IQCH: variants seen among roughly 807,000 people sequenced by gnomAD.
IQCH encodes IQ motif containing H, also known as IQ domain-containing protein H.
A neutral mutation model predicts 117.0 loss-of-function variants in IQCH; 98 were observed. That is an observed-to-expected ratio of 0.84 (90% CI 0.71 to 0.99). The LOEUF (loss-of-function observed/expected upper bound fraction) is 0.99, where lower values mean the gene tolerates loss of function less well. Ranked by LOEUF, IQCH falls within the 50% of genes least tolerant of loss-of-function variation. The pLI, the probability that IQCH is intolerant of heterozygous loss-of-function variation, is 0.00. For synonymous variants in IQCH, 412 were observed against 448.2 expected (o/e 0.92, Z 1.02); for missense variants, 1,102 against 1,243.8 (o/e 0.89, Z 1.72).
intron 16 of IQCH, among the ~76,000 whole-genome samples, chr15:67,442,885 A>ATAT (rs1567193409): frequency 6.7e-6 from 1 of 148,496 alleles, no homozygotes; most frequent in African/African-American, 2.5e-5. Flanking sequence ...TATATATATA[A>ATAT]AATACATATA....
At chr15:67,277,496 A>C (rs915560994) in intron 3 of IQCH, among the ~76,000 whole-genome samples, 1 of 148,438 alleles carries the variant, frequency 6.7e-6, no homozygotes, top group African/African-American at 2.5e-5. Flanking sequence ...ACTGTTTGCT[A>C]TTAATGTTGG....
intron 18 of IQCH, among the ~76,000 whole-genome samples, chr15:67,489,138 A>G: frequency 6.7e-6 from 1 of 149,372 alleles, no homozygotes; most frequent in South Asian, 2.1e-4. Context: ...GGTTCACGCC[A>G]TTTTCCTGCC....
At chr15:67,409,911 A>G (rs1046012833) in intron 14 of IQCH, among the ~76,000 whole-genome samples, 1 of 152,246 alleles carries the variant, frequency 6.6e-6, no homozygotes, top group South Asian at 2.1e-4. Flanking sequence ...ACAATTAAAC[A>G]TGGAGTATTA....
intron 10 of IQCH, among the ~76,000 whole-genome samples, chr15:67,382,633 C>A (rs1308411011): frequency 6.6e-6 from 1 of 152,228 alleles, no homozygotes; most frequent in African/African-American, 2.4e-5. Context: ...AAATTTCTCA[C>A]AAGAGCTAAT....
Position 67,498,091 on chromosome 15 carries a change from T to C in IQCH, c.2971-2542T>C, listed in dbSNP as rs1299032712. 2.6e-5 allele frequency among the ~76,000 whole-genome samples: 4 copies of C among 152,140 alleles called. No homozygotes were observed. The East Asian group carries it at 7.7e-4, about 29-fold the overall frequency. The stretch of plus-strand genomic sequence containing the variant: ...AACGAAGTTGGAGAAGTCACACTTC[T>C]CAATTTAAAAACTTACTACAAAGCT... On this transcript the variant is annotated intron_variant, in intron 20 of 20. Coordinates refer to ENST00000335894, the MANE Select transcript of IQCH (RefSeq NM_001031715.3).
intron 1 of IQCH, 161 bp downstream of exon 1, chr15:67,255,108 C>A (rs1232782462): frequency 4.4e-6 from 3 of 679,776 alleles, no homozygotes; most frequent in Non-Finnish European, 5.3e-6. Flanking sequence ...GACCTTCCCC[C>A]ACGGCCCAGC....
chr15:67,323,266 G>A (rs1596180166), intron 4 of IQCH, among the ~76,000 whole-genome samples: 3 of 126,214 alleles, frequency 2.4e-5, no homozygotes, highest in East Asian at 2.4e-4. Flanking sequence ...TTTTTGAGAC[G>A]GAGTCTTGCT....
chr15:67,462,936 C>A (rs1258231446), intron 16 of IQCH, among the ~76,000 whole-genome samples: 1 of 152,166 alleles, frequency 6.6e-6, no homozygotes, highest in Non-Finnish European at 1.5e-5. Context: ...AGATACTTGG[C>A]AGTTAGTTTT....
At chr15:67,317,024 A>G (rs1967880374) in intron 4 of IQCH, among the ~76,000 whole-genome samples, 1 of 152,178 alleles carries the variant, frequency 6.6e-6, no homozygotes, top group Non-Finnish European at 1.5e-5. Context: ...GGACTAGAAC[A>G]AGAAGATGAG....
chr15:67,395,329 T>C lies in IQCH; in HGVS notation c.1671T>C (p.Ser557=), dbSNP rs753071614. The change falls in exon 13 of 21, where the codon AGT becomes AGC. Residue 557 remains serine (S), a synonymous_variant. Transcript: ENST00000335894. This position sits in a 1 kb window ranked among gnomAD's most constrained non-coding sequence, Gnocchi z 4.0. ...GCCTGGCCACTCACCTGATGTACAG[T>C]CCCAAGGCAATCAAAAGAATAAAAA... The part of the protein sequence containing the change: ...HMCLATHLMY[S]PKAIKRIKNL... 3.1e-6 allele frequency: 5 copies of C among 1,613,950 alleles called. No individual in the cohort carries two copies. Among genetic ancestry groups the C allele is most frequent in the Non-Finnish European group, 4.2e-6 (5 of 1,179,940 alleles).
chr15:67,310,102 G>A (rs1215805807), intron 4 of IQCH, among the ~76,000 whole-genome samples: 4 of 121,124 alleles, frequency 3.3e-5, no homozygotes, highest in Non-Finnish European at 5.5e-5. Flanking sequence ...GTGAGTAATA[G>A]GATTTAATGT....
chr15:67,265,601 T>C (rs1019632397), intron 3 of IQCH, among the ~76,000 whole-genome samples: 1 of 152,046 alleles, frequency 6.6e-6, no homozygotes, highest in African/African-American at 2.4e-5. Context: ...GTCTTCAAAG[T>C]AAACAAGCAG....
intron 14 of IQCH, among the ~76,000 whole-genome samples, chr15:67,414,663 AATATAT>A (rs1172021312): frequency 2.1e-5 from 3 of 146,330 alleles, no homozygotes; most frequent in Admixed American, 1.4e-4. Context: ...CCAAAAAAAA[AATATAT>A]ATATATATAA....
intron 6 of IQCH, among the ~76,000 whole-genome samples, chr15:67,353,156 A>G (rs911835574): frequency 1.9e-4 from 29 of 151,828 alleles, no homozygotes; most frequent in African/African-American, 6.7e-4. Context: ...AAAAAAAAAA[A>G]TAAAGAAAAA....
chr15:67,359,779 C>A lies in IQCH; in HGVS notation c.715-68C>A. 1 of 1,363,118 alleles carries A rather than the reference C, an allele frequency of 7.3e-7. No individual in the cohort carries two copies. Among genetic ancestry groups the A allele is most frequent in the East Asian group, 2.3e-5 (1 of 43,658 alleles). The allele number at this position is 1,363,118 out of a possible 1,614,324, so 84.4% of individuals were successfully genotyped here. A position where few individuals can be genotyped will look rare whatever the true frequency, so the allele number is the denominator to read the frequency against. On this transcript the variant is annotated intron_variant, in intron 7 of 20. Transcript: ENST00000335894. This position sits in a 1 kb window ranked among gnomAD's most constrained non-coding sequence, Gnocchi z 4.5. ...GGAAGGGGGTGAGGCTCTGAGCCTT[C>A]TATTTGTTTTGTAAAATTGCCCATG...
chr15:67,269,757 T>TG (rs58460073), intron 3 of IQCH, among the ~76,000 whole-genome samples: 1 of 151,620 alleles, frequency 6.6e-6, no homozygotes. Context: ...TTTCTGTACT[T>TG]ATTTCACTCA....
At chr15:67,310,904 G>A (rs1336056181) in intron 4 of IQCH, among the ~76,000 whole-genome samples, 6 of 152,106 alleles carry the variant, frequency 3.9e-5, no homozygotes, top group Non-Finnish European at 7.4e-5. Context: ...TAAATGGGAT[G>A]TGATAGAACA....
At chr15:67,360,046 A>ATC in intron 8 of IQCH, 161 bp downstream of exon 8, 1 of 596,000 alleles carries the variant, frequency 1.7e-6, no homozygotes, top group Non-Finnish European at 3.0e-6. Context: ...TTCAGGAAAA[A>ATC]AAAAAAAACA....
intron 4 of IQCH, among the ~76,000 whole-genome samples, chr15:67,323,609 C>A (rs964575715): frequency 6.6e-6 from 1 of 151,884 alleles, no homozygotes; most frequent in African/African-American, 2.4e-5. Flanking sequence ...TAAACTATAC[C>A]TCTTCATATT....
Sources: allele counts gnomAD v4.1 joint callset (sites outside exome capture counted in the v4.1 genomes callset), GRCh38; gene constraint gnomAD v4.1.1; non-coding constraint Gnocchi (gnomAD v3.1); transcripts MANE v1.5; gene names NCBI Gene and HGNC (gene_info 2026-07-23, HGNC 2026-07-21).